Variants in TTC39A observed in about 807,000 individuals in gnomAD.
TTC39A encodes the protein tetratricopeptide repeat domain 39A.
Under a neutral mutation model 82.3 loss-of-function variants are expected in TTC39A, and 46 were observed. That is an observed-to-expected ratio of 0.56 (90% CI 0.44 to 0.71). The LOEUF is 0.71. Among genes scored for constraint, TTC39A ranks in the 30% least tolerant of loss-of-function variants. The pLI, the probability that TTC39A is intolerant of heterozygous loss-of-function variation, is 0.00. For missense variants in TTC39A, 543 were observed against 712.9 expected (o/e 0.76, Z 2.71); for synonymous variants, 254 against 275.2 (o/e 0.92, Z 0.76).
intron 1 of TTC39A, among the ~76,000 whole-genome samples, chr1:51,326,942 T>C (rs1193293485): frequency 6.6e-6 from 1 of 152,168 alleles, no homozygotes; most frequent in Admixed American, 6.5e-5. Context: ...TGGTGACCAA[T>C]GCCAGGAGCT....
chr1:51,314,611 G>A (rs960304894), intron 2 of TTC39A, among the ~76,000 whole-genome samples: 6 of 152,192 alleles, frequency 3.9e-5, no homozygotes, highest in Admixed American at 2.0e-4. Context: ...TCTACCACTC[G>A]CCAGCCAGGG....
rs1645525118 is a variant in TTC39A at position 51,321,685 on chromosome 1, G to A, written c.146+36C>T. 2 of 1,595,754 alleles carry A rather than the reference G, an allele frequency of 1.3e-6. No homozygotes were observed. The highest frequency in any genetic ancestry group is 1.7e-6 in the Non-Finnish European group (2 of 1,166,310). ...ACCTCTGGTTCTCCCTGACCGTCAT[G>A]CACACCCCCTACCCCAACCGGGGCT... On this transcript the variant is annotated intron_variant, in intron 2 of 17. Transcript: ENST00000680483. The surrounding 1 kb of genome is among the most constrained non-coding windows in gnomAD (Gnocchi z 4.6).
At chr1:51,324,474 G>A (rs1645639117) in intron 1 of TTC39A, among the ~76,000 whole-genome samples, 2 of 152,108 alleles carry the variant, frequency 1.3e-5, no homozygotes, top group South Asian at 2.1e-4. Context: ...CTTGGCTGGA[G>A]GGGGTTTCTG....
intron 1 of TTC39A, among the ~76,000 whole-genome samples, chr1:51,339,716 G>C (rs112876364): frequency 0.017 from 2,655 of 152,266 alleles, 76 homozygotes; most frequent in African/African-American, 0.06. Flanking sequence ...TTGAGGCCAG[G>C]AGTTCAAGAC....
chr1:51,325,966 C>A (rs1414174770), intron 1 of TTC39A: 1 of 152,460 alleles, frequency 6.6e-6, no homozygotes, highest in Non-Finnish European at 1.5e-5. Context: ...GTAACCTCCC[C>A]CAGACTGGGG....
At position 51,287,445 on chromosome 1, in the gene TTC39A, T is replaced by C. The variant is rs1266731079; in HGVS notation, c.*712A>G. The stretch of plus-strand genomic sequence containing the variant: ...TTCCTGGCTTTGGCATAGAAAGGGC[T>C]ACACAGCTCTTCCATCAAGCCCTGG... On this transcript the variant is annotated 3_prime_UTR_variant, in exon 18 of 18. Coordinates refer to ENST00000680483, the MANE Select transcript of TTC39A (RefSeq NM_001297663.2). The C allele has an allele frequency of 6.6e-6, 1 of 152,264 alleles. No individual in the cohort carries two copies. The highest frequency in any genetic ancestry group is 1.5e-5 in the Non-Finnish European group (1 of 68,042). The allele number at this position is 152,264 out of a possible 1,614,324, so 9.4% of individuals were successfully genotyped here.
chr1:51,333,847 T>A (rs747040932), upstream of TTC39A, among the ~76,000 whole-genome samples: 2 of 152,214 alleles, frequency 1.3e-5, no homozygotes, highest in Non-Finnish European at 2.9e-5. Flanking sequence ...CACCAGACAC[T>A]AATGCGGGGC....
upstream of TTC39A, among the ~76,000 whole-genome samples, chr1:51,335,882 T>C (rs1367640250): frequency 6.6e-6 from 1 of 152,140 alleles, no homozygotes; most frequent in Non-Finnish European, 1.5e-5. Context: ...AGAACCTCAG[T>C]TTTCCCATCT....
Position 51,312,167 on chromosome 1 carries a change from A to G in TTC39A, c.307T>C (p.Ser103Pro), listed in dbSNP as rs1453081217. Residue 103 changes from serine (S) to proline (P), a missense_variant, in exon 4 of 18, where the codon TCC becomes CCC. Physicochemically the swap from Ser to Pro is moderately conservative, Grantham distance 74. Coordinates refer to ENST00000680483, the MANE Select transcript of TTC39A (RefSeq NM_001297663.2). ...RHRRKSSVTDSFSSLVNRPTL... is the reference protein window; with the variant it reads ...RHRRKSSVTDPFSSLVNRPTL... ...GGGCGGTTCACCAGGCTGCTGAAGG[A>G]ATCTGTTACAGAAGACTTCCTCCGG... 1 of 1,610,854 alleles carries G rather than the reference A, an allele frequency of 6.2e-7. No individual in the cohort carries two copies. Among genetic ancestry groups the G allele is most frequent in the African/African-American group, 1.3e-5 (1 of 74,884 alleles).
At chr1:51,309,798 G>A (rs1185304883) in intron 5 of TTC39A, among the ~76,000 whole-genome samples, 1 of 152,134 alleles carries the variant, frequency 6.6e-6, no homozygotes. Flanking sequence ...AACAGAAACA[G>A]CCCAAATGGC....
intron 2 of TTC39A, among the ~76,000 whole-genome samples, chr1:51,313,735 A>G (rs2148237954): frequency 1.3e-5 from 2 of 152,332 alleles, no homozygotes; most frequent in East Asian, 3.9e-4. Context: ...GTGGTGGCAC[A>G]GGCCTGTAAT....
chr1:51,301,602 G>C lies in TTC39A; in HGVS notation c.1023C>G (p.Asp341Glu). ...ACCAGCAGTTCTCCTTGCTGAGCAGGTCGGCGTAGAAGTAGGACATCTTCC... is the reference window on the plus strand; with the variant it reads ...ACCAGCAGTTCTCCTTGCTGAGCAGCTCGGCGTAGAAGTAGGACATCTTCC... ...GQWKMSYFYA[D>E]LLSKENCWSK... The change falls in exon 12 of 18, where the codon GAC becomes GAG. Residue 341 changes from aspartate (D) to glutamate (E), a missense_variant. Transcript: ENST00000680483. 1 of 1,612,306 alleles carries C rather than the reference G, an allele frequency of 6.2e-7. No individual in the cohort carries two copies.
chr1:51,309,657 C>T (rs1645012242), intron 5 of TTC39A, among the ~76,000 whole-genome samples: 1 of 151,964 alleles, frequency 6.6e-6, no homozygotes, highest in Admixed American at 6.5e-5. Context: ...GTGGTTTTTA[C>T]AACAAGCAGG....
At chr1:51,336,497 G>A (rs1645976790) in intron 1 of TTC39A, among the ~76,000 whole-genome samples, 1 of 152,130 alleles carries the variant, frequency 6.6e-6, no homozygotes, top group Admixed American at 6.5e-5. Context: ...GCTGAAGGTA[G>A]GTCTAAAGAA....
At chr1:51,299,968 TAGG>T (rs1281146455) in intron 12 of TTC39A, 2 of 151,270 alleles carry the variant, frequency 1.3e-5, no homozygotes, top group Admixed American at 6.6e-5. Context: ...TTTTTGGGAG[TAGG>T]AGGTGATGAG....
intron 16 of TTC39A, 93 bp downstream of exon 16, chr1:51,289,912 G>T: frequency 9.5e-7 from 1 of 1,048,246 alleles, no homozygotes; most frequent in Non-Finnish European, 1.4e-6. Context: ...GTTGGCTAGG[G>T]TCAGCCACTG....
At chr1:51,328,516 GAACA>G (rs1251127063) in intron 1 of TTC39A, among the ~76,000 whole-genome samples, 1 of 152,096 alleles carries the variant, frequency 6.6e-6, no homozygotes, top group Non-Finnish European at 1.5e-5. Context: ...AAACTTTGAA[GAACA>G]AACTACATAT....
intron 1 of TTC39A, among the ~76,000 whole-genome samples, chr1:51,341,618 T>C (rs998059169): frequency 6.6e-6 from 1 of 152,116 alleles, no homozygotes; most frequent in African/African-American, 2.4e-5. Flanking sequence ...GACCACAATG[T>C]GCCTCTCACA....
intron 1 of TTC39A, 182 bp from the exon 2 acceptor site, chr1:51,322,007 G>A: frequency 7.0e-7 from 1 of 1,425,404 alleles, no homozygotes; most frequent in Non-Finnish European, 9.5e-7. Flanking sequence ...ACCTCTTGGT[G>A]TTCCCAAGGG....
Sources: allele counts gnomAD v4.1 joint callset (sites outside exome capture counted in the v4.1 genomes callset), GRCh38; gene constraint gnomAD v4.1.1; non-coding constraint Gnocchi (gnomAD v3.1); transcripts MANE v1.5; gene names NCBI Gene and HGNC (gene_info 2026-07-23, HGNC 2026-07-21).